Variants in SYT1 observed in about 807,000 individuals in gnomAD.
SYT1 encodes synaptotagmin 1.
In SYT1, 8 loss-of-function variants were observed where a neutral mutation model predicts 44.8. The observed-to-expected ratio is 0.18, with a 90% CI of 0.10 to 0.32. The LOEUF is 0.32. SYT1 is among the 10% of genes least tolerant of loss of function. SYT1 has a pLI of 1.00. For synonymous variants in SYT1, 154 were observed against 188.8 expected, an observed-to-expected ratio of 0.82 and a Z score of 1.51; for missense variants, 286 against 509.3, an observed-to-expected ratio of 0.56 and a Z score of 4.22.
At chr12:79,016,119 A>G (rs997920247) in intron 2 of SYT1, among the ~76,000 whole-genome samples, 4 of 152,178 alleles carry the variant, frequency 2.6e-5, no homozygotes, top group Non-Finnish European at 4.4e-5. Flanking sequence ...TTTGTGTGTA[A>G]TGAATCGCAA....
At chr12:78,868,954 T>C (rs140108828) in intron 1 of SYT1, 4 of 151,926 alleles carry the variant, frequency 2.6e-5, no homozygotes, top group Admixed American at 1.3e-4. Flanking sequence ...GATTTAGATA[T>C]GATGGCTGAT....
chr12:79,387,233 T>G (rs1378262149), intron 9 of SYT1, among the ~76,000 whole-genome samples: 1 of 152,196 alleles, frequency 6.6e-6, no homozygotes, highest in Non-Finnish European at 1.5e-5. Flanking sequence ...TTGCACATAT[T>G]ATGCACTTTC....
intron 3 of SYT1, among the ~76,000 whole-genome samples, chr12:79,200,934 T>C (rs1173023366): frequency 6.6e-6 from 1 of 152,152 alleles, no homozygotes; most frequent in African/African-American, 2.4e-5. Flanking sequence ...AATTGGTGAA[T>C]CATCAACCTG....
At chr12:79,109,073 G>T (rs1300517432) in intron 3 of SYT1, among the ~76,000 whole-genome samples, 1 of 152,084 alleles carries the variant, frequency 6.6e-6, no homozygotes. Flanking sequence ...CAAGGCCAGG[G>T]GCCCTGCTAG....
chr12:78,973,938 A>AAATAT (rs1868607158), intron 1 of SYT1, among the ~76,000 whole-genome samples: 1 of 25,324 alleles, frequency 3.9e-5, no homozygotes, highest in Non-Finnish European at 6.5e-5. Flanking sequence ...AAAAAAAAAA[A>AAATAT]ATATATATAT....
intron 8 of SYT1, among the ~76,000 whole-genome samples, chr12:79,306,782 T>TAA (rs1333333602): frequency 1.3e-5 from 2 of 152,192 alleles, no homozygotes; most frequent in Non-Finnish European, 2.9e-5. Context: ...TTCATGTGTA[T>TAA]AAGCTGGCAG....
chr12:79,390,181 C>T (rs1024520031), intron 9 of SYT1, among the ~76,000 whole-genome samples: 1 of 152,120 alleles, frequency 6.6e-6, no homozygotes, highest in Non-Finnish European at 1.5e-5. Flanking sequence ...GATCCGCCCG[C>T]CCCAGCCTCC....
Position 79,281,697 on chromosome 12 carries a change from T to G in SYT1, c.167-4090T>G, listed in dbSNP as rs1157066978. ...AAATAAATGAAAAGACAGCAGAAAA[T>G]ACATGACTAGCCCACATGAATATTA... On this transcript the variant is annotated intron_variant, in intron 4 of 10. Transcript: ENST00000261205. 2.6e-5 allele frequency among the ~76,000 whole-genome samples: 4 copies of G among 152,048 alleles called. No individual in the cohort carries two copies. In the East Asian group the frequency reaches 7.7e-4, roughly 29 times the overall value.
intron 3 of SYT1, among the ~76,000 whole-genome samples, chr12:79,139,893 G>A (rs898364480): frequency 6.6e-6 from 1 of 152,168 alleles, no homozygotes; most frequent in African/African-American, 2.4e-5. Flanking sequence ...AAAATATATC[G>A]CAGCTGGTGC....
chr12:79,286,008 T>C, intron 5 of SYT1, 37 bp downstream of exon 5: 2 of 1,557,106 alleles, frequency 1.3e-6, no homozygotes, highest in Admixed American at 2.1e-5. Flanking sequence ...TTATTTTGTT[T>C]AAAAAAGATA....
intron 9 of SYT1, among the ~76,000 whole-genome samples, chr12:79,389,736 A>G (rs1396062049): frequency 3.3e-5 from 5 of 151,996 alleles, no homozygotes; most frequent in East Asian, 1.9e-4. Flanking sequence ...AGGAGATTCA[A>G]CTCTCAGTTC....
At chr12:79,446,471 C>T (rs1870742634) in intron 10 of SYT1, among the ~76,000 whole-genome samples, 1 of 152,048 alleles carries the variant, frequency 6.6e-6, no homozygotes, top group Non-Finnish European at 1.5e-5. Context: ...ACCTCAGTCA[C>T]TAATTTGACC....
intron 5 of SYT1, among the ~76,000 whole-genome samples, chr12:79,286,985 C>G (rs1234937072): frequency 6.6e-6 from 1 of 152,112 alleles, no homozygotes; most frequent in Non-Finnish European, 1.5e-5. Context: ...TAATCAAACT[C>G]TTAAACCTGA....
At chr12:79,322,083 A>G (rs1334289786) in intron 8 of SYT1, among the ~76,000 whole-genome samples, 2 of 152,164 alleles carry the variant, frequency 1.3e-5, no homozygotes, top group East Asian at 1.9e-4. Flanking sequence ...AGTCTGGTCA[A>G]TGTTCCCTAA....
At chr12:79,280,552 TA>T (rs1214642310) in intron 4 of SYT1, among the ~76,000 whole-genome samples, 1 of 151,878 alleles carries the variant, frequency 6.6e-6, no homozygotes, top group Non-Finnish European at 1.5e-5. Context: ...ATAAAGATTC[TA>T]AAAGAAAACC....
At chr12:79,111,649 T>C (rs1879017750) in intron 3 of SYT1, among the ~76,000 whole-genome samples, 1 of 151,948 alleles carries the variant, frequency 6.6e-6, no homozygotes, top group Non-Finnish European at 1.5e-5. Context: ...CATTCTATTT[T>C]CATGATAAGC....
At chr12:79,447,065 A>G (rs1252232242) in intron 10 of SYT1, among the ~76,000 whole-genome samples, 1 of 152,204 alleles carries the variant, frequency 6.6e-6, no homozygotes, top group Admixed American at 6.5e-5. Context: ...GACACATGCT[A>G]GGTTTCTGGG....
At chr12:79,308,539 A>G in intron 8 of SYT1, among the ~76,000 whole-genome samples, 4 of 137,738 alleles carry the variant, frequency 2.9e-5, no homozygotes, top group African/African-American at 1.0e-4. Flanking sequence ...AAATAAAGAA[A>G]GAAAGAAAGA....
At chr12:79,028,964 CAA>C (rs1592678115) in intron 2 of SYT1, among the ~76,000 whole-genome samples, 1 of 151,302 alleles carries the variant, frequency 6.6e-6, no homozygotes, top group African/African-American at 2.4e-5. Flanking sequence ...AGCATTATTT[CAA>C]AAGAGTCTTT....
Sources: gnomAD v4.1 joint callset for allele counts (sites outside exome capture counted in the v4.1 genomes callset) on GRCh38, gnomAD v4.1.1 for gene constraint, MANE v1.5 for transcripts, NCBI Gene and HGNC (gene_info 2026-07-23, HGNC 2026-07-21) for gene names.